ADAMTSL1: variants seen among roughly 807,000 people sequenced by gnomAD.
ADAMTSL1 encodes the protein ADAMTS like 1.
In ADAMTSL1, 126 loss-of-function variants were observed where a neutral mutation model predicts 201.8. That is an observed-to-expected ratio of 0.62 (90% CI 0.54 to 0.72). The LOEUF is 0.72. Among genes scored for constraint, ADAMTSL1 ranks in the 30% least tolerant of loss-of-function variants. The probability of loss-of-function intolerance (pLI) is 0.00; values close to 1 mark genes in which losing one functional copy is unlikely to be tolerated. For missense variants in ADAMTSL1, 2,679 were observed against 2,277.8 expected, an observed-to-expected ratio of 1.18 and a Z score of -3.59; for synonymous variants, 1,121 against 903.4, an observed-to-expected ratio of 1.24 and a Z score of -4.32.
intron 1 of ADAMTSL1, among the ~76,000 whole-genome samples, chr9:18,482,719 C>T (rs1821790782): frequency 6.6e-6 from 1 of 152,090 alleles, no homozygotes; most frequent in African/African-American, 2.4e-5. Context: ...TCTCAGTCAC[C>T]ATTTGAAGTC....
intron 19 of ADAMTSL1, among the ~76,000 whole-genome samples, chr9:18,786,968 A>C (rs1821744732): frequency 6.6e-6 from 1 of 152,240 alleles, no homozygotes; most frequent in Non-Finnish European, 1.5e-5. Flanking sequence ...GAGTATCAGC[A>C]GATGGAAACT....
At chr9:18,707,427 A>G (rs1418160021) in intron 14 of ADAMTSL1, among the ~76,000 whole-genome samples, 2 of 152,244 alleles carry the variant, frequency 1.3e-5, no homozygotes, top group Non-Finnish European at 2.9e-5. Flanking sequence ...CCAAGACCCA[A>G]GAACAAGTCG....
intron 1 of ADAMTSL1, among the ~76,000 whole-genome samples, chr9:17,968,798 C>T (rs1300896900): frequency 1.3e-5 from 2 of 152,068 alleles, no homozygotes; most frequent in South Asian, 4.1e-4. Context: ...TGGAGGGCTT[C>T]TAATACATTG....
intron 4 of ADAMTSL1, among the ~76,000 whole-genome samples, chr9:18,594,989 G>A (rs765118413): frequency 6.6e-6 from 1 of 152,108 alleles, no homozygotes; most frequent in African/African-American, 2.4e-5. Context: ...ACTGACTATG[G>A]TGTTCCCTGA....
At chr9:18,297,303 A>T (rs574231006) in intron 2 of ADAMTSL1, among the ~76,000 whole-genome samples, 1 of 152,278 alleles carries the variant, frequency 6.6e-6, no homozygotes, top group African/African-American at 2.4e-5. Context: ...ATATGCAGTA[A>T]GGCAACATCG....
intron 2 of ADAMTSL1, among the ~76,000 whole-genome samples, chr9:18,236,444 G>T (rs185458000): frequency 6.6e-6 from 1 of 152,102 alleles, no homozygotes; most frequent in Non-Finnish European, 1.5e-5. Context: ...TTCAGATTCC[G>T]GGACCCAGTT....
chr9:18,129,444 C>G (rs1183495112), intron 1 of ADAMTSL1, among the ~76,000 whole-genome samples: 3 of 152,142 alleles, frequency 2.0e-5, no homozygotes, highest in Non-Finnish European at 2.9e-5. Flanking sequence ...ATACAACTTT[C>G]CTGAAAGAAC....
intron 1 of ADAMTSL1, among the ~76,000 whole-genome samples, chr9:17,935,807 T>C (rs1826982942): frequency 1.3e-5 from 2 of 152,318 alleles, no homozygotes; most frequent in African/African-American, 4.8e-5. Context: ...TGGTCTCAAC[T>C]TCTGCTTTTA....
At chr9:18,168,337 C>T (rs1827726666) in intron 2 of ADAMTSL1, among the ~76,000 whole-genome samples, 1 of 152,090 alleles carries the variant, frequency 6.6e-6, no homozygotes, top group Admixed American at 6.6e-5. Flanking sequence ...CATGAGTTCT[C>T]ATTGCTAAAT....
At chr9:18,158,415 C>G (rs1485428805) in intron 1 of ADAMTSL1, among the ~76,000 whole-genome samples, 3 of 151,690 alleles carry the variant, frequency 2.0e-5, no homozygotes, top group African/African-American at 4.8e-5. Context: ...ATATTCCAAC[C>G]AGGAATGAAG....
intron 1 of ADAMTSL1, among the ~76,000 whole-genome samples, chr9:17,907,262 C>A (rs1448392293): frequency 6.6e-6 from 1 of 152,192 alleles, no homozygotes; most frequent in Non-Finnish European, 1.5e-5. Flanking sequence ...CTCTACCCCC[C>A]ACCCTTTCCG....
In ADAMTSL1 at chr9:18,599,649, C is replaced by T. The variant is rs201534258; in HGVS notation, c.475-22594C>T. ...ATTTTTTAGTTTTCTCCCTGAGTTT[C>T]GTGGCTCTAAAGCAGAAGTTGCAAA... On this transcript the variant is annotated intron_variant, in intron 4 of 28. Transcript: ENST00000380548. Among the ~76,000 whole-genome samples, 6 of 152,118 alleles carry T rather than the reference C, an allele frequency of 3.9e-5. No individual in the cohort carries two copies. The East Asian group carries it at 5.8e-4, about 15-fold the overall frequency.
chr9:18,853,221 T>A (rs1826611047), intron 23 of ADAMTSL1, among the ~76,000 whole-genome samples: 1 of 152,178 alleles, frequency 6.6e-6, no homozygotes, highest in African/African-American at 2.4e-5. Context: ...TCTCCATGTG[T>A]GACTGCCCAA....
intron 1 of ADAMTSL1, among the ~76,000 whole-genome samples, chr9:17,966,901 G>C (rs935305399): frequency 2.0e-5 from 3 of 152,050 alleles, no homozygotes; most frequent in African/African-American, 7.2e-5. Context: ...TAGTTACCAA[G>C]ATAATGAATT....
At position 18,737,559 on chromosome 9, in the gene ADAMTSL1, G is replaced by A. The variant is rs137920720; in HGVS notation, c.2007-15739G>A. Among the ~76,000 whole-genome samples, 227 of 152,122 alleles carry A rather than the reference G, an allele frequency of 1.5e-3. 1 individual carries two copies. Among genetic ancestry groups the A allele is most frequent in the Non-Finnish European group, 2.6e-3 (177 of 67,998 alleles). Reference sequence around the variant, plus strand: ...CTTTATTGGCACTATTAGTCCTATCGATACCAAAAGATCATATGGCTTCAT... The same window carrying A: ...CTTTATTGGCACTATTAGTCCTATCAATACCAAAAGATCATATGGCTTCAT... On this transcript the variant is annotated intron_variant, in intron 15 of 28. Transcript: ENST00000380548.
chr9:18,485,706 A>G (rs1821956045), intron 1 of ADAMTSL1, among the ~76,000 whole-genome samples: 1 of 152,192 alleles, frequency 6.6e-6, no homozygotes, highest in Admixed American at 6.5e-5. Flanking sequence ...GAAGAAGGAA[A>G]GGGAAGGTAA....
chr9:17,931,274 G>T (rs1242604203), intron 1 of ADAMTSL1, among the ~76,000 whole-genome samples: 1 of 152,126 alleles, frequency 6.6e-6, no homozygotes, highest in African/African-American at 2.4e-5. Context: ...TGCTGCTTTT[G>T]TGCACAGTTT....
At chr9:18,594,141 T>C (rs1258778422) in intron 4 of ADAMTSL1, among the ~76,000 whole-genome samples, 1 of 152,120 alleles carries the variant, frequency 6.6e-6, no homozygotes, top group Non-Finnish European at 1.5e-5. Context: ...GGGTACAATC[T>C]TTTTGTTGAC....
At chr9:18,687,082 A>ATAC in intron 13 of ADAMTSL1, among the ~76,000 whole-genome samples, 1 of 152,334 alleles carries the variant, frequency 6.6e-6, no homozygotes, top group East Asian at 1.9e-4. Flanking sequence ...AGGGAAATGT[A>ATAC]TACTATTGTG....
Sources: allele counts gnomAD v4.1 joint callset (sites outside exome capture counted in the v4.1 genomes callset), GRCh38; gene constraint gnomAD v4.1.1; transcripts MANE v1.5; gene names NCBI Gene and HGNC (gene_info 2026-07-23, HGNC 2026-07-21).